The following PAQR3 variants were observed in gnomAD, a reference collection of about 807,000 sequenced individuals.
PAQR3 encodes the protein Raf kinase trapping to Golgi.
PAQR3 carries 39 observed loss-of-function variants against 41.7 expected under a neutral mutation model. The ratio of observed to expected loss-of-function variants is 0.93; its 90% confidence interval spans 0.72 to 1.22. PAQR3 has a LOEUF of 1.22. PAQR3 is among the 50% of genes most tolerant of loss of function. The pLI is 0.00. For missense variants in PAQR3, 366 were observed against 385.6 expected, an observed-to-expected ratio of 0.95 and a Z score of 0.42; for synonymous variants, 140 against 140.6, an observed-to-expected ratio of 1.00 and a Z score of 0.03.
chr4:78,926,171 C>A (rs950581723), intron 4 of PAQR3, among the ~76,000 whole-genome samples: 1 of 152,120 alleles, frequency 6.6e-6, no homozygotes, highest in Non-Finnish European at 1.5e-5. Flanking sequence ...TCTATACTTG[C>A]GTTATCATTG....
At position 78,912,759 on chromosome 4, in the gene PAQR3, TAAAAC is replaced by T. The variant is rs968048779; in HGVS notation, c.*7775_*7779del. On this transcript the variant is annotated 3_prime_UTR_variant, in exon 6 of 6. Coordinates refer to ENST00000512733, the MANE Select transcript of PAQR3 (RefSeq NM_001040202.2). The stretch of plus-strand genomic sequence containing the variant: ...ATAAATATATATAATTTTTGTCAGT[TAAAAC>T]AAATTAAAAAAATGGACTATCGTCG... 46 of 151,802 alleles carry T rather than the reference TAAAAC, an allele frequency of 3.0e-4. No individual in the cohort carries two copies. The highest frequency in any genetic ancestry group is 9.9e-4 in the African/African-American group (41 of 41,366). 9.4% of individuals were successfully genotyped at this position (151,802 alleles called of 1,614,324 possible).
chr4:78,939,010 G>T, intron 1 of PAQR3, 30 bp downstream of exon 1: 2 of 1,546,090 alleles, frequency 1.3e-6, no homozygotes, highest in Non-Finnish European at 1.8e-6. Flanking sequence ...AGAGAAGGGG[G>T]CACTCCAGGC....
intron 2 of PAQR3, among the ~76,000 whole-genome samples, chr4:78,930,905 TAC>T (rs1553925581): frequency 1.4e-5 from 2 of 141,210 alleles, no homozygotes; most frequent in African/African-American, 5.3e-5. Flanking sequence ...TATATATATA[TAC>T]ACACACATTT....
intron 3 of PAQR3, among the ~76,000 whole-genome samples, chr4:78,928,142 C>T (rs545441257): frequency 6.8e-4 from 103 of 152,260 alleles, no homozygotes; most frequent in African/African-American, 2.4e-3. Flanking sequence ...CTCACTTTGA[C>T]ATTTAGCAAG....
intron 11 of PAQR3, among the ~76,000 whole-genome samples, chr4:78,892,826 C>T (rs1309760915): frequency 2.6e-5 from 4 of 152,102 alleles, no homozygotes; most frequent in Non-Finnish European, 5.9e-5. Context: ...TTAAAAATAA[C>T]TTATTGATAA....
rs1246093505 is a variant in PAQR3, at chr4:78,926,636, G to T, written c.587C>A (p.Thr196Lys). The T allele has an allele frequency of 6.2e-7, 1 of 1,613,892 alleles. No individual in the cohort carries two copies. The highest frequency in any genetic ancestry group is 1.1e-5 in the South Asian group (1 of 91,066). The stretch of plus-strand genomic sequence containing the variant: ...AGAACGGAGCCTTTGCCATTGCTGC[G>T]TGAGGTAATTGGGATGAATCTGCGC... ...FFAQIHPNYL[T>K]QQWQRLRSII... is the part of the protein sequence containing the mutation. Residue 196 changes from threonine (T) to lysine (K), a missense_variant, in exon 4 of 6, where the codon ACG becomes AAG. Thr to Lys is a moderately conservative substitution (Grantham distance 78). Transcript: ENST00000512733.
At position 78,915,354 on chromosome 4, in the gene PAQR3, G is replaced by A. The variant is rs1734950279; in HGVS notation, c.*5185C>T. On this transcript the variant is annotated 3_prime_UTR_variant, in exon 6 of 6. Coordinates refer to ENST00000512733, the MANE Select transcript of PAQR3 (RefSeq NM_001040202.2). The stretch of plus-strand genomic sequence containing the variant: ...CTCTGCTTGGTTTATTTTAGGTTTT[G>A]GTACTTCACGTAAGCACTGTTAGAA... 1 of 151,824 alleles carries A rather than the reference G, an allele frequency of 6.6e-6. No homozygotes were observed. The highest frequency in any genetic ancestry group is 1.5e-5 in the Non-Finnish European group (1 of 67,888). The allele number at this position is 151,824 out of a possible 1,614,324, so 9.4% of individuals were successfully genotyped here.
At chr4:78,907,090 C>T (rs753301600), downstream of PAQR3, among the ~76,000 whole-genome samples, 5 of 151,910 alleles carry the variant, frequency 3.3e-5, no homozygotes, top group Non-Finnish European at 7.4e-5. Context: ...TAGAAACAAC[C>T]TAAATATTCT....
Position 78,911,930 on chromosome 4 carries a change from T to C in PAQR3, c.*8609A>G, listed in dbSNP as rs535814375. On this transcript the variant is annotated 3_prime_UTR_variant, in exon 6 of 6. Coordinates refer to ENST00000512733, the MANE Select transcript of PAQR3 (RefSeq NM_001040202.2). ...ATGGATGATTTTGGTGCCGTGCCCT[T>C]TACAGAACTTGTGGTGCAAAGCATC... is the stretch of plus-strand genomic sequence containing the variant. The C allele has an allele frequency of 5.0e-6, 8 of 1,613,960 alleles. No homozygotes were observed. In the African/African-American group the frequency reaches 6.7e-5, roughly 13 times the overall value.
At position 78,912,118 on chromosome 4, in the gene PAQR3, C is replaced by T; in HGVS notation, c.*8421G>A. ...GAATTTGAAAGAAAATTTGGTAGCTCTTTATAGCATTCATTCTTAAAGATC... is the reference window on the plus strand; with the variant it reads ...GAATTTGAAAGAAAATTTGGTAGCTTTTTATAGCATTCATTCTTAAAGATC... On this transcript the variant is annotated 3_prime_UTR_variant, in exon 6 of 6. Transcript: ENST00000512733. 1 of 1,205,870 alleles carries T rather than the reference C, an allele frequency of 8.3e-7. No homozygotes were observed. Among genetic ancestry groups the T allele is most frequent in the Non-Finnish European group, 1.2e-6 (1 of 848,282 alleles). The allele number at this position is 1,205,870 out of a possible 1,614,324, so 74.7% of individuals were successfully genotyped here.
chr4:78,904,091 GA>G (rs1344733801), intron 11 of PAQR3, among the ~76,000 whole-genome samples: 3 of 151,902 alleles, frequency 2.0e-5, no homozygotes, highest in Non-Finnish European at 4.4e-5. Flanking sequence ...CCATCAAAAG[GA>G]AAAAGTGCAA....
intron 3 of PAQR3, among the ~76,000 whole-genome samples, chr4:78,929,420 C>G (rs1736587534): frequency 6.6e-6 from 1 of 152,192 alleles, no homozygotes; most frequent in Non-Finnish European, 1.5e-5. Context: ...TTGAATTTGT[C>G]TTCTTGGCTG....
At chr4:78,911,715 G>A (rs766766696), downstream of PAQR3, 3 of 1,613,960 alleles carry the variant, frequency 1.9e-6, no homozygotes, top group South Asian at 3.3e-5. Flanking sequence ...AAGATAGGGG[G>A]AATGTCTTAC....
In PAQR3 at chr4:78,939,394, T is replaced by C. The variant is rs994473983; in HGVS notation, c.-170A>G. ...CCGGCTCTGCGCTCACACCGGCCAC[T>C]GCCGCCAGCGCCGCGGCGGACCCGG... is the stretch of plus-strand genomic sequence containing the variant. On this transcript the variant is annotated 5_prime_UTR_variant, in exon 1 of 6. Transcript: ENST00000512733. The C allele has an allele frequency of 2.5e-6, 1 of 400,254 alleles. No homozygotes were observed. The highest frequency in any genetic ancestry group is 3.9e-6 in the Non-Finnish European group (1 of 257,178). The allele number at this position is 400,254 out of a possible 1,614,324, so 24.8% of individuals were successfully genotyped here. A position where few individuals can be genotyped will look rare whatever the true frequency, so the allele number is the denominator to read the frequency against.
intron 11 of PAQR3, among the ~76,000 whole-genome samples, chr4:78,897,187 G>T (rs951706527): frequency 4.9e-5 from 7 of 142,138 alleles, no homozygotes; most frequent in Non-Finnish European, 8.9e-5. Context: ...TTAAGAAAAT[G>T]TTTTTTTGAT....
In PAQR3 at chr4:78,933,154, T is replaced by C. The variant is rs114278693; in HGVS notation, c.348+1967A>G. The C allele has an allele frequency of 2.6e-3, 1,192 of 456,282 alleles. 18 individuals carry two copies. The highest frequency in any genetic ancestry group is 0.022 in the African/African-American group (1,089 of 50,208). 28.3% of individuals were successfully genotyped at this position (456,282 alleles called of 1,614,324 possible). On this transcript the variant is annotated intron_variant, in intron 2 of 5. Transcript: ENST00000512733. The stretch of plus-strand genomic sequence containing the variant: ...AAATGCCCTGCCTCACTGTCTCTTC[T>C]GCACACCTACGAGTGGCTTGACCTT...
intron 1 of PAQR3, among the ~76,000 whole-genome samples, chr4:78,938,251 C>T (rs548938852): frequency 6.6e-6 from 1 of 152,278 alleles, no homozygotes; most frequent in South Asian, 2.1e-4. Context: ...TATTTTAGTA[C>T]AGGTAGTAAG....
At chr4:78,888,248 C>A (rs1028445959) in intron 11 of PAQR3, 2 of 152,180 alleles carry the variant, frequency 1.3e-5, no homozygotes, top group Admixed American at 1.3e-4. Flanking sequence ...TTTCTGTTTG[C>A]TGCTTTCAAG....
At chr4:78,900,488 A>G (rs1300277696) in intron 11 of PAQR3, among the ~76,000 whole-genome samples, 1 of 152,216 alleles carries the variant, frequency 6.6e-6, no homozygotes, top group Non-Finnish European at 1.5e-5. Flanking sequence ...AGATGGAAAA[A>G]TGAGAGTCTA....
Sources: gnomAD v4.1 joint callset for allele counts (sites outside exome capture counted in the v4.1 genomes callset) on GRCh38, gnomAD v4.1.1 for gene constraint, MANE v1.5 for transcripts, NCBI Gene and HGNC (gene_info 2026-07-23, HGNC 2026-07-21) for gene names.